The following DDX10 variants were observed in gnomAD, a reference collection of about 807,000 sequenced individuals.
DDX10 encodes the protein probable ATP-dependent RNA helicase DDX10.
A neutral mutation model predicts 104.3 loss-of-function variants in DDX10; 74 were observed. That is an observed-to-expected ratio of 0.71 (90% CI 0.59 to 0.86). The LOEUF (loss-of-function observed/expected upper bound fraction) is 0.86. DDX10 is among the 40% of genes least tolerant of loss of function. DDX10 has a pLI of 0.00. For synonymous variants in DDX10, 351 were observed against 353.4 expected, an observed-to-expected ratio of 0.99 and a Z score of 0.08; for missense variants, 952 against 1,040.0, an observed-to-expected ratio of 0.92 and a Z score of 1.16.
At chr11:108,701,954 G>A (rs752723533) in intron 9 of DDX10, among the ~76,000 whole-genome samples, 1 of 152,018 alleles carries the variant, frequency 6.6e-6, no homozygotes, top group Non-Finnish European at 1.5e-5. Context: ...AAAGTGCTGG[G>A]GTTACAGGCG....
At chr11:108,693,631 G>A (rs755567260) in intron 9 of DDX10, 31 bp downstream of exon 9, 6 of 1,485,508 alleles carry the variant, frequency 4.0e-6, no homozygotes, top group Non-Finnish European at 5.6e-6. Context: ...CTTTTCTTTT[G>A]CTACTATCTA....
intron 13 of DDX10, among the ~76,000 whole-genome samples, chr11:108,740,745 G>A (rs905130887): frequency 7.2e-5 from 11 of 151,914 alleles, no homozygotes; most frequent in African/African-American, 2.7e-4. Context: ...GGGATGTTGA[G>A]CATTTTTTCA....
chr11:108,823,652 G>A (rs1189635569), intron 13 of DDX10, among the ~76,000 whole-genome samples: 1 of 152,158 alleles, frequency 6.6e-6, no homozygotes. Context: ...ACATGCATGT[G>A]TGTGTTTTTG....
chr11:108,837,607 C>CTTGTTTTTT (rs1862572575), intron 13 of DDX10, among the ~76,000 whole-genome samples: 1 of 34,722 alleles, frequency 2.9e-5, no homozygotes, highest in Non-Finnish European at 5.0e-5. Flanking sequence ...TTGGATACAG[C>CTTGTTTTTT]TTTTTTTTTT....
At chr11:108,893,373 A>G (rs1366623359) in intron 16 of DDX10, among the ~76,000 whole-genome samples, 1 of 152,082 alleles carries the variant, frequency 6.6e-6, no homozygotes, top group Non-Finnish European at 1.5e-5. Context: ...TAGCTCTACT[A>G]CCGTATTTTT....
intron 13 of DDX10, among the ~76,000 whole-genome samples, chr11:108,802,671 C>G (rs967576483): frequency 2.6e-5 from 4 of 152,074 alleles, no homozygotes; most frequent in Non-Finnish European, 5.9e-5. Flanking sequence ...AAAAGTTTCC[C>G]AGAGTGAGTT....
At chr11:108,861,496 A>G (rs1259338978) in intron 16 of DDX10, among the ~76,000 whole-genome samples, 1 of 152,230 alleles carries the variant, frequency 6.6e-6, no homozygotes, top group Non-Finnish European at 1.5e-5. Context: ...ACATCCAATA[A>G]TGGGCAAATT....
intron 9 of DDX10, among the ~76,000 whole-genome samples, chr11:108,696,415 G>C (rs924714737): frequency 6.6e-6 from 1 of 152,142 alleles, no homozygotes; most frequent in African/African-American, 2.4e-5. Context: ...GACCTCAAGT[G>C]ATCCGCCCGC....
chr11:108,787,486 G>A (rs758072017), intron 13 of DDX10, among the ~76,000 whole-genome samples: 11 of 152,082 alleles, frequency 7.2e-5, no homozygotes, highest in Non-Finnish European at 1.5e-4. Context: ...CCAATGAGCT[G>A]TAAACATGGT....
intron 16 of DDX10, among the ~76,000 whole-genome samples, chr11:108,898,796 C>T (rs528440825): frequency 1.3e-5 from 2 of 152,068 alleles, no homozygotes; most frequent in Non-Finnish European, 2.9e-5. Context: ...TTGAATGTGG[C>T]GTCCAGAAGA....
chr11:108,710,823 G>A lies in DDX10; in HGVS notation c.1322+3986G>A, dbSNP rs144153731. 9.2e-5 allele frequency among the ~76,000 whole-genome samples: 14 copies of A among 152,260 alleles called. No individual in the cohort carries two copies. In the East Asian group the frequency reaches 1.2e-3, roughly 13 times the overall value. On this transcript the variant is annotated intron_variant, in intron 10 of 17. Coordinates refer to ENST00000322536, the MANE Select transcript of DDX10 (RefSeq NM_004398.4). ...TGCCCTATAGTGTTATGATGGCTGCGACATCACTAGGTGATAGAAATTTTT... is the reference window on the plus strand; with the variant it reads ...TGCCCTATAGTGTTATGATGGCTGCAACATCACTAGGTGATAGAAATTTTT...
chr11:108,869,745 T>G (rs1291265625), intron 16 of DDX10, among the ~76,000 whole-genome samples: 1 of 152,160 alleles, frequency 6.6e-6, no homozygotes, highest in Non-Finnish European at 1.5e-5. Context: ...TGTTCATTTT[T>G]TAAGATTTTA....
intron 10 of DDX10, among the ~76,000 whole-genome samples, chr11:108,708,917 G>A (rs954594312): frequency 2.0e-5 from 3 of 152,174 alleles, no homozygotes; most frequent in African/African-American, 4.8e-5. Flanking sequence ...AAACAGGAAA[G>A]TGATTAGCTT....
chr11:108,873,589 G>A (rs1199027173), intron 16 of DDX10, among the ~76,000 whole-genome samples: 1 of 151,956 alleles, frequency 6.6e-6, no homozygotes, highest in Non-Finnish European at 1.5e-5. Flanking sequence ...CCTTCTTTTG[G>A]ACAAATTCTT....
At chr11:108,688,567 A>C (rs923795768) in intron 6 of DDX10, among the ~76,000 whole-genome samples, 1 of 152,208 alleles carries the variant, frequency 6.6e-6, no homozygotes, top group African/African-American at 2.4e-5. Context: ...GTAAGTATAC[A>C]GTTGAATTTG....
At chr11:108,898,335 T>C (rs1591116072) in intron 16 of DDX10, among the ~76,000 whole-genome samples, 1 of 151,502 alleles carries the variant, frequency 6.6e-6, no homozygotes, top group African/African-American at 2.4e-5. Context: ...GAACAAAGAG[T>C]AGGCTGCTTA....
chr11:108,905,467 T>G (rs1405987519), intron 16 of DDX10, among the ~76,000 whole-genome samples: 2 of 152,172 alleles, frequency 1.3e-5, no homozygotes, highest in African/African-American at 4.8e-5. Context: ...TTTTTTCAAT[T>G]TACATACAGT....
At chr11:108,681,160 C>A (rs2094234503) in intron 6 of DDX10, among the ~76,000 whole-genome samples, 1 of 152,078 alleles carries the variant, frequency 6.6e-6, no homozygotes, top group Non-Finnish European at 1.5e-5. Context: ...TAAGACCTTT[C>A]ATAATTTATG....
intron 13 of DDX10, among the ~76,000 whole-genome samples, chr11:108,780,971 ATACATGTATATGATTGC>A (rs1178928071): frequency 6.6e-6 from 1 of 152,042 alleles, no homozygotes; most frequent in Non-Finnish European, 1.5e-5. Flanking sequence ...GATACAGGGG[ATACATGTATATGATTGC>A]TACATGGATG....
Sources: allele counts gnomAD v4.1 joint callset (sites outside exome capture counted in the v4.1 genomes callset), GRCh38; gene constraint gnomAD v4.1.1; transcripts MANE v1.5; gene names NCBI Gene and HGNC (gene_info 2026-07-23, HGNC 2026-07-21).